CTNNA3: variants seen among roughly 807,000 people sequenced by gnomAD.
The protein encoded by CTNNA3 is catenin alpha 3, also known as catenin alpha-3.
Under a neutral mutation model 95.7 loss-of-function variants are expected in CTNNA3, and 76 were observed. The ratio of observed to expected loss-of-function variants is 0.79; its 90% confidence interval spans 0.66 to 0.96. CTNNA3 has a LOEUF of 0.96. CTNNA3 is among the 40% of genes least tolerant of loss of function. The probability of loss-of-function intolerance (pLI) is 0.00; values close to 1 mark genes in which losing one functional copy is unlikely to be tolerated. For missense variants in CTNNA3, 1,191 were observed against 1,089.8 expected (o/e 1.09, Z -1.31); for synonymous variants, 431 against 374.4 (o/e 1.15, Z -1.74).
At chr10:66,939,835 C>G (rs1322605267) in intron 7 of CTNNA3, among the ~76,000 whole-genome samples, 1 of 152,060 alleles carries the variant, frequency 6.6e-6, no homozygotes, top group Non-Finnish European at 1.5e-5. Flanking sequence ...TTTTTACCTT[C>G]TATTTGAAAT....
chr10:67,524,038 T>G (rs543989157), intron 4 of CTNNA3, among the ~76,000 whole-genome samples: 16 of 152,306 alleles, frequency 1.1e-4, no homozygotes, highest in African/African-American at 3.6e-4. Context: ...TAAAATATTT[T>G]TTCTTCATAT....
intron 1 of CTNNA3, among the ~76,000 whole-genome samples, chr10:67,670,016 T>C (rs1311049123): frequency 6.6e-6 from 1 of 152,214 alleles, no homozygotes; most frequent in Non-Finnish European, 1.5e-5. Context: ...ATTAATAAAC[T>C]GAGTATTTTT....
intron 10 of CTNNA3, among the ~76,000 whole-genome samples, chr10:66,603,039 C>T (rs899836386): frequency 1.4e-4 from 22 of 152,054 alleles, no homozygotes; most frequent in East Asian, 1.4e-3. Context: ...AACAAGTCTA[C>T]GATGCCCACT....
intron 11 of CTNNA3, among the ~76,000 whole-genome samples, chr10:66,399,013 A>T (rs988273973): frequency 6.6e-6 from 1 of 151,898 alleles, no homozygotes; most frequent in African/African-American, 2.4e-5. Context: ...TTTTCCAATC[A>T]TGTCTGTTGA....
intron 16 of CTNNA3, among the ~76,000 whole-genome samples, chr10:65,974,776 TA>T (rs35290992): frequency 4.6e-5 from 7 of 151,632 alleles, no homozygotes; most frequent in South Asian, 4.1e-4. Context: ...GACTCTGGGT[TA>T]AAAAAAATTA....
At chr10:66,595,092 T>C (rs1368191327) in intron 10 of CTNNA3, among the ~76,000 whole-genome samples, 1 of 151,938 alleles carries the variant, frequency 6.6e-6, no homozygotes, top group Non-Finnish European at 1.5e-5. Flanking sequence ...ACACCCATGG[T>C]CAAAAATACC....
At chr10:66,816,081 A>T (rs2132276998) in intron 7 of CTNNA3, among the ~76,000 whole-genome samples, 1 of 152,310 alleles carries the variant, frequency 6.6e-6, no homozygotes, top group African/African-American at 2.4e-5. Flanking sequence ...TCTATAGAGG[A>T]GCAAAGTTTT....
chr10:66,579,291 G>C (rs1843108907), intron 10 of CTNNA3, among the ~76,000 whole-genome samples: 1 of 151,598 alleles, frequency 6.6e-6, no homozygotes, highest in African/African-American at 2.4e-5. Context: ...TCAAGTTATA[G>C]CTCAGTTGCA....
chr10:67,516,295 C>T (rs1047586366), intron 5 of CTNNA3, among the ~76,000 whole-genome samples: 35 of 152,284 alleles, frequency 2.3e-4, no homozygotes, highest in African/African-American at 7.9e-4. Flanking sequence ...ATTCCCAGTG[C>T]AATATTATTC....
chr10:66,426,342 G>T (rs1174053351), intron 11 of CTNNA3, among the ~76,000 whole-genome samples: 1 of 152,014 alleles, frequency 6.6e-6, no homozygotes, highest in Non-Finnish European at 1.5e-5. Flanking sequence ...TAAAACTGTA[G>T]ATTTATTTAA....
chr10:65,951,852 A>AC, intron 17 of CTNNA3, among the ~76,000 whole-genome samples: 1 of 152,090 alleles, frequency 6.6e-6, no homozygotes, highest in South Asian at 2.1e-4. Flanking sequence ...ACACGGTGAA[A>AC]CCCCGTCTCT....
intron 13 of CTNNA3, among the ~76,000 whole-genome samples, chr10:66,213,576 T>G (rs2088313387): frequency 6.6e-6 from 1 of 152,184 alleles, no homozygotes; most frequent in Non-Finnish European, 1.5e-5. Flanking sequence ...TGAGCTAAGC[T>G]AATGAGAAGA....
intron 13 of CTNNA3, among the ~76,000 whole-genome samples, chr10:66,248,600 A>G (rs1001654282): frequency 6.6e-6 from 1 of 152,166 alleles, no homozygotes; most frequent in Non-Finnish European, 1.5e-5. Context: ...TGCTATACTT[A>G]TATGAGACAA....
At chr10:66,436,754 C>T (rs780393576) in intron 11 of CTNNA3, among the ~76,000 whole-genome samples, 3 of 151,926 alleles carry the variant, frequency 2.0e-5, no homozygotes, top group Non-Finnish European at 4.4e-5. Context: ...TTATTTTGCC[C>T]ATTAATTGAT....
chr10:66,589,470 A>G (rs1843473649), intron 10 of CTNNA3, among the ~76,000 whole-genome samples: 3 of 152,120 alleles, frequency 2.0e-5, no homozygotes, highest in Admixed American at 6.6e-5. Flanking sequence ...TGTTTTCTAC[A>G]TTAACATTTT....
intron 11 of CTNNA3, among the ~76,000 whole-genome samples, chr10:66,449,390 C>A (rs976279795): frequency 2.0e-5 from 3 of 151,976 alleles, no homozygotes; most frequent in Non-Finnish European, 4.4e-5. Flanking sequence ...CGTCAAATAC[C>A]ACAGGCACGG....
At chr10:66,457,018 C>T (rs937683361) in intron 11 of CTNNA3, among the ~76,000 whole-genome samples, 3 of 151,706 alleles carry the variant, frequency 2.0e-5, no homozygotes, top group African/African-American at 7.3e-5. Context: ...CTCTTGAGCC[C>T]AAGACGTCGT....
intron 13 of CTNNA3, among the ~76,000 whole-genome samples, chr10:66,105,816 T>C (rs1046781064): frequency 6.6e-6 from 1 of 152,222 alleles, no homozygotes; most frequent in Non-Finnish European, 1.5e-5. Flanking sequence ...TGTTGGATGG[T>C]ATTGTGAAAA....
chr10:66,664,889 TAAAAAAA>T (rs56801434), intron 9 of CTNNA3, among the ~76,000 whole-genome samples: 24 of 134,512 alleles, frequency 1.8e-4, no homozygotes, highest in South Asian at 4.6e-4. Flanking sequence ...CTGAAAAAAT[TAAAAAAA>T]AAAAAAAAAA....
Sources: gnomAD v4.1 joint callset for allele counts (sites outside exome capture counted in the v4.1 genomes callset) on GRCh38, gnomAD v4.1.1 for gene constraint, MANE v1.5 for transcripts, NCBI Gene and HGNC (gene_info 2026-07-23, HGNC 2026-07-21) for gene names.